GAPVD1: variants seen among roughly 807,000 people sequenced by gnomAD.
GAPVD1 encodes the protein GTPase activating protein and VPS9 domains 1.
In GAPVD1, 35 loss-of-function variants were observed where a neutral mutation model predicts 155.5. The observed-to-expected ratio is 0.23, with a 90% confidence interval of 0.17 to 0.30. The LOEUF (loss-of-function observed/expected upper bound fraction) is 0.30. Among genes scored for constraint, GAPVD1 ranks in the 10% least tolerant of loss-of-function variants. The pLI, the probability that GAPVD1 is intolerant of heterozygous loss-of-function variation, is 1.00. For synonymous variants in GAPVD1, 636 were observed against 619.7 expected, an observed-to-expected ratio of 1.03 and a Z score of -0.39; for missense variants, 1,429 against 1,775.7, an observed-to-expected ratio of 0.80 and a Z score of 3.51.
At chr9:125,323,251 C>T (rs1844651952) in intron 10 of GAPVD1, among the ~76,000 whole-genome samples, 1 of 150,694 alleles carries the variant, frequency 6.6e-6, no homozygotes, top group African/African-American at 2.4e-5. Context: ...AGATTACAGG[C>T]ATGTGCCATC....
chr9:125,298,829 A>G (rs1840315443), intron 3 of GAPVD1, 61 bp from the exon 4 acceptor site: 1 of 726,070 alleles, frequency 1.4e-6, no homozygotes, highest in Non-Finnish European at 2.2e-6. Context: ...GTCCCTTTTG[A>G]TTTTAGAAAA....
intron 13 of GAPVD1, among the ~76,000 whole-genome samples, chr9:125,331,697 C>A (rs1264414324): frequency 1.3e-5 from 2 of 152,182 alleles, no homozygotes; most frequent in Admixed American, 6.5e-5. Context: ...CATTAGTGAT[C>A]TAGAACCACG....
At chr9:125,336,603 C>T (rs995513723) in intron 15 of GAPVD1, 1 of 161,898 alleles carries the variant, frequency 6.2e-6, no homozygotes, top group African/African-American at 2.4e-5. Context: ...CCTCCTTGGC[C>T]TCCCAAAGCA....
Position 125,307,457 on chromosome 9 carries a change from A to G in GAPVD1, c.1161A>G (p.Ala387=). The part of the protein sequence containing the change: ...AFLDVVIGGR[A]VETPPLSSVN... ...TTGATGTTGTGATTGGGGGCCGTGCAGTGGAGACCCCTCCATTGTCTTCCG... is the reference window on the plus strand; with the variant it reads ...TTGATGTTGTGATTGGGGGCCGTGCGGTGGAGACCCCTCCATTGTCTTCCG... The change falls in exon 7 of 28, where the codon GCA becomes GCG. Residue 387 remains alanine, a synonymous_variant. Transcript: ENST00000297933. 6.2e-7 allele frequency: 1 copy of G among 1,611,366 alleles called. No homozygotes were observed. Among genetic ancestry groups the G allele is most frequent in the Non-Finnish European group, 8.5e-7 (1 of 1,177,740 alleles).
chr9:125,315,223 T>C (rs1003219913), intron 9 of GAPVD1, among the ~76,000 whole-genome samples: 1 of 152,128 alleles, frequency 6.6e-6, no homozygotes, highest in Non-Finnish European at 1.5e-5. Context: ...TGATACCCCA[T>C]AGGGAAGAAG....
At chr9:125,344,103 G>C (rs10986714) in intron 19 of GAPVD1, among the ~76,000 whole-genome samples, 2,848 of 152,080 alleles carry the variant, frequency 0.019, 117 homozygotes, top group East Asian at 0.088. Flanking sequence ...TTCCTTACTG[G>C]TCCAGAAATT....
At chr9:125,291,970 G>A (rs112084863) in intron 2 of GAPVD1, among the ~76,000 whole-genome samples, 2 of 152,036 alleles carry the variant, frequency 1.3e-5, no homozygotes, top group African/African-American at 4.8e-5. Context: ...TGCCAGGCAC[G>A]GTGACTCACA....
chr9:125,301,503 C>T (rs868249765), intron 4 of GAPVD1, among the ~76,000 whole-genome samples: 9 of 151,304 alleles, frequency 5.9e-5, no homozygotes, highest in South Asian at 2.1e-4. Flanking sequence ...GGGTGGAGTG[C>T]GGTGGCATGA....
At chr9:125,271,918 C>G (rs1230333392) in intron 2 of GAPVD1, among the ~76,000 whole-genome samples, 1 of 152,206 alleles carries the variant, frequency 6.6e-6, no homozygotes, top group African/African-American at 2.4e-5. Flanking sequence ...ATTATCTTGG[C>G]TACTTTACAA....
Position 125,307,409 on chromosome 9 carries a change from A to T in GAPVD1, c.1117-4A>T. On this transcript the variant is annotated splice_region_variant and splice_polypyrimidine_tract_variant and intron_variant, in intron 6 of 27. Coordinates refer to ENST00000297933, the MANE Select transcript of GAPVD1 (RefSeq NM_001282680.3). The stretch of plus-strand genomic sequence containing the variant: ...GTTTCACTGTTTTTTTCCTGTTTTA[A>T]CAGAGCTGTGTTGCCGCTTTCCTTG... 6.3e-7 allele frequency: 1 copy of T among 1,582,784 alleles called. No homozygotes were observed. Among genetic ancestry groups the T allele is most frequent in the Admixed American group, 1.9e-5 (1 of 53,648 alleles).
intron 4 of GAPVD1, among the ~76,000 whole-genome samples, chr9:125,299,603 C>T (rs1001719040): frequency 1.3e-5 from 2 of 150,362 alleles, no homozygotes; most frequent in Middle Eastern, 3.4e-3. Context: ...TGCAGTGGGC[C>T]GAGATTGTGC....
At chr9:125,324,960 C>G (rs143379054) in intron 11 of GAPVD1, among the ~76,000 whole-genome samples, 16 of 152,074 alleles carry the variant, frequency 1.1e-4, no homozygotes, top group Admixed American at 1.0e-3. Context: ...TACAGTGGCT[C>G]GTGCCTGTAA....
chr9:125,314,901 T>C (rs1310898338), intron 9 of GAPVD1, among the ~76,000 whole-genome samples: 3 of 150,842 alleles, frequency 2.0e-5, no homozygotes, highest in South Asian at 4.2e-4. Context: ...CATTCTCCTG[T>C]CTCAGCCTCC....
In GAPVD1 at chr9:125,359,510, A is replaced by C. The variant is rs1233130974; in HGVS notation, c.4044+18A>C. The C allele has an allele frequency of 1.6e-6, 2 of 1,236,778 alleles. No homozygotes were observed. Among genetic ancestry groups the C allele is most frequent in the African/African-American group, 1.5e-5 (1 of 67,850 alleles). 76.6% of individuals were successfully genotyped at this position (1,236,778 alleles called of 1,614,324 possible). A position where few individuals can be genotyped will look rare whatever the true frequency, so the allele number is the denominator to read the frequency against. On this transcript the variant is annotated intron_variant, in intron 26 of 27. Coordinates refer to ENST00000297933, the MANE Select transcript of GAPVD1 (RefSeq NM_001282680.3). The stretch of plus-strand genomic sequence containing the variant: ...TACCAGAGGTAATACAGGTTTATAT[A>C]GCATGGGTAATGTTAACTAAATGCT...
intron 2 of GAPVD1, among the ~76,000 whole-genome samples, chr9:125,285,971 A>G (rs987695517): frequency 2.0e-5 from 3 of 150,288 alleles, no homozygotes; most frequent in African/African-American, 7.4e-5. Flanking sequence ...TCACACTCAG[A>G]TAATTTTCGT....
chr9:125,309,892 G>T, intron 8 of GAPVD1: 1 of 449,658 alleles, frequency 2.2e-6, no homozygotes, highest in Non-Finnish European at 4.6e-6. Context: ...TGTTCAGAGG[G>T]TTGATTTTCT....
chr9:125,287,243 CAAAGT>C (rs1467922587), intron 2 of GAPVD1, among the ~76,000 whole-genome samples: 1 of 151,684 alleles, frequency 6.6e-6, no homozygotes, highest in Non-Finnish European at 1.5e-5. Context: ...ACGATGAACT[CAAAGT>C]AAAAATGGGC....
chr9:125,293,884 A>ATTTTATATATATATAAATATATTT (rs1286702976), intron 2 of GAPVD1, among the ~76,000 whole-genome samples: 11 of 22,668 alleles, frequency 4.9e-4, no homozygotes, highest in African/African-American at 1.9e-3. Flanking sequence ...ATATATATAT[A>ATTTTATATATATATAAATATATTT]TATATATATA....
intron 2 of GAPVD1, among the ~76,000 whole-genome samples, chr9:125,286,696 T>G (rs553847242): frequency 6.6e-6 from 1 of 152,120 alleles, no homozygotes; most frequent in African/African-American, 2.4e-5. Flanking sequence ...TGGGGATACA[T>G]AGGCCTAAGA....
Sources: gnomAD v4.1 joint callset for allele counts (sites outside exome capture counted in the v4.1 genomes callset) on GRCh38, gnomAD v4.1.1 for gene constraint, MANE v1.5 for transcripts, NCBI Gene and HGNC (gene_info 2026-07-23, HGNC 2026-07-21) for gene names.